TASOR2: variants seen among roughly 807,000 people sequenced by gnomAD.
TASOR2 encodes the protein protein TASOR 2.
A neutral mutation model predicts 199.5 loss-of-function variants in TASOR2; 84 were observed. The ratio of observed to expected loss-of-function variants is 0.42; its 90% confidence interval spans 0.35 to 0.50. The LOEUF is 0.50. TASOR2 is among the 20% of genes least tolerant of loss of function. TASOR2 has a pLI of 0.02. For missense variants in TASOR2, 2,796 were observed against 2,835.9 expected (o/e 0.99, Z 0.32); for synonymous variants, 1,103 against 1,046.6 (o/e 1.05, Z -1.04).
intron 12 of TASOR2, among the ~76,000 whole-genome samples, chr10:5,739,125 C>T (rs1836018453): frequency 6.6e-6 from 1 of 152,192 alleles, no homozygotes; most frequent in South Asian, 2.1e-4. Flanking sequence ...TAATAAATCG[C>T]TTGTTCAGGG....
exon 15 of TASOR2, chr10:5,749,058 C>T (rs1304889713): frequency 1.2e-6 from 2 of 1,614,052 alleles, no homozygotes; most frequent in African/African-American, 2.7e-5. Context: ...ACCAAGAGGA[C>T]TGGGGCTGCT....
chr10:5,735,283 A>T, intron 11 of TASOR2, 21 bp from the exon 13 acceptor site: 1 of 1,602,802 alleles, frequency 6.2e-7, no homozygotes, highest in Non-Finnish European at 8.5e-7. Context: ...CCTTACAAAA[A>T]TGATGTCTTT....
intron 1 of TASOR2, among the ~76,000 whole-genome samples, chr10:5,692,364 C>G (rs921828652): frequency 5.3e-5 from 8 of 152,050 alleles, no homozygotes; most frequent in African/African-American, 1.9e-4. Context: ...TGATAGATAT[C>G]CTTACTAGGG....
rs1334679887 is a variant in TASOR2, at chr10:5,721,072, C to T, written c.146+102C>T. ...AGGGTGGCATTGGTGTAAAATACAG[C>T]AACTGTTCTTGATTTTAGATGAGGG... On this transcript the variant is annotated intron_variant, in intron 6 of 20. Transcript: ENST00000328090. 9 of 832,152 alleles carry T rather than the reference C, an allele frequency of 1.1e-5. No homozygotes were observed. The South Asian group carries it at 1.3e-4, about 12-fold the overall frequency. The allele number at this position is 832,152 out of a possible 1,614,324, so 51.5% of individuals were successfully genotyped here.
At chr10:5,753,286 T>C (rs1249475839) in intron 15 of TASOR2, among the ~76,000 whole-genome samples, 1 of 152,232 alleles carries the variant, frequency 6.6e-6, no homozygotes, top group African/African-American at 2.4e-5. Context: ...TTCTTCAAAC[T>C]TGTGGAAGCT....
intron 10 of TASOR2, among the ~76,000 whole-genome samples, chr10:5,727,455 G>A (rs1243503146): frequency 6.6e-6 from 1 of 152,136 alleles, no homozygotes; most frequent in Non-Finnish European, 1.5e-5. Flanking sequence ...CATAGGTGCT[G>A]TTCTCCTTAT....
chr10:5,702,796 A>C (rs1838057594), intron 1 of TASOR2, among the ~76,000 whole-genome samples: 1 of 152,160 alleles, frequency 6.6e-6, no homozygotes, highest in Admixed American at 6.5e-5. Flanking sequence ...TAAAGAAAGG[A>C]CTTAAATCTA....
chr10:5,690,153 T>C lies in TASOR2; in HGVS notation c.-288+4978T>C, dbSNP rs1208534503. On this transcript the variant is annotated intron_variant, in intron 1 of 20. Transcript: ENST00000328090. The surrounding 1 kb of genome is among the most constrained non-coding windows in gnomAD (Gnocchi z 4.8). The stretch of plus-strand genomic sequence containing the variant: ...TTACTTATTTATATTTGCTAAAAGA[T>C]TACCTACTTTATTATTACTCTACAA... 6.6e-6 allele frequency among the ~76,000 whole-genome samples: 1 copy of C among 152,236 alleles called. No homozygotes were observed. The highest frequency in any genetic ancestry group is 1.5e-5 in the Non-Finnish European group (1 of 68,038).
At chr10:5,755,297 A>G (rs2942350) in intron 15 of TASOR2, among the ~76,000 whole-genome samples, 151,567 of 152,306 alleles carry the variant, frequency 1, 75,421 homozygotes, top group East Asian at 1. Context: ...CAAGGGAGCC[A>G]CACAGTGGCT....
At position 5,738,166 on chromosome 10, in the gene TASOR2, T is replaced by C. The variant is rs1470986314; in HGVS notation, c.1448-1452T>C. On this transcript the variant is annotated intron_variant, in intron 12 of 20. Transcript: ENST00000328090. This position sits in a 1 kb window ranked among gnomAD's most constrained non-coding sequence, Gnocchi z 4.7. ...GTTAATGAAACATGATTTTCTGTCCTTTTTATTCACTGAACTTTTTTTTAA... is the reference window on the plus strand; with the variant it reads ...GTTAATGAAACATGATTTTCTGTCCCTTTTATTCACTGAACTTTTTTTTAA... Among the ~76,000 whole-genome samples the C allele has an allele frequency of 6.6e-6, 1 of 152,234 alleles. No homozygotes were observed. The highest frequency in any genetic ancestry group is 6.5e-5 in the Admixed American group (1 of 15,284).
At position 5,690,392 on chromosome 10, in the gene TASOR2, G is replaced by T. The variant is rs1836291163; in HGVS notation, c.-288+5217G>T. ...GGCATGGTGAAATAGACCCTGTTTA[G>T]AACCTTTCATGTACACCTGCTCCCT... On this transcript the variant is annotated intron_variant, in intron 1 of 20. Transcript: ENST00000328090. This position sits in a 1 kb window ranked among gnomAD's most constrained non-coding sequence, Gnocchi z 4.8. Among the ~76,000 whole-genome samples the T allele has an allele frequency of 2.6e-5, 4 of 152,158 alleles. No homozygotes were observed. The highest frequency in any genetic ancestry group is 1.3e-4 in the Admixed American group (2 of 15,272).
intron 1 of TASOR2, among the ~76,000 whole-genome samples, chr10:5,709,375 AT>A (rs1398675331): frequency 2.6e-5 from 4 of 152,224 alleles, no homozygotes; most frequent in African/African-American, 9.6e-5. Context: ...TATAGAACAA[AT>A]TAAGTCCTTA....
rs754265167 is a variant in TASOR2, at chr10:5,742,506, A to C, written c.2737A>C (p.Ile913Leu). 6.2e-7 allele frequency: 1 copy of C among 1,613,400 alleles called. No homozygotes were observed. Among genetic ancestry groups the C allele is most frequent in the South Asian group, 1.1e-5 (1 of 91,010 alleles). ...AGACACCCAAGAAGACCAGAATTTC[A>C]TCTGTTCTTACAATAATGAGGTATG... Residue 913 changes from isoleucine (I) to leucine (L), a missense_variant, in exon 14 of 21, where the codon ATC becomes CTC. Ile to Leu is a conservative substitution (Grantham distance 5, BLOSUM62 2). This residue lies in a region of TASOR2 where 1,941 missense variants were observed against 1,924.9 expected (regional missense o/e 1.01). Transcript: ENST00000328090. The surrounding 1 kb of genome is among the most constrained non-coding windows in gnomAD (Gnocchi z 4.2).
chr10:5,739,948 G>C (rs1442011058), exon 13 of TASOR2: 1 of 1,614,046 alleles, frequency 6.2e-7, no homozygotes, highest in Non-Finnish European at 8.5e-7. Flanking sequence ...ACTCAAAAAG[G>C]TGAATTACTA....
In TASOR2 at chr10:5,723,668, GT is replaced by G; in HGVS notation, c.147-4del. ...TTATTCTGCTTGATACTGTTGTGTT[GT>G]TTTTCAGACCGCAGGAACTAGATTT... On this transcript the variant is annotated splice_region_variant and splice_polypyrimidine_tract_variant and intron_variant, in intron 6 of 20. Transcript: ENST00000328090. The G allele has an allele frequency of 1.3e-6, 2 of 1,545,840 alleles. No individual in the cohort carries two copies. The highest frequency in any genetic ancestry group is 1.8e-6 in the Non-Finnish European group (2 of 1,136,952).
intron 12 of TASOR2, among the ~76,000 whole-genome samples, chr10:5,736,648 G>C (rs906258088): frequency 6.6e-6 from 1 of 152,188 alleles, no homozygotes; most frequent in Non-Finnish European, 1.5e-5. Flanking sequence ...TTAGTCACAT[G>C]AACTGCTCCA....
At chr10:5,757,576 C>G (rs773166517) in exon 17 of TASOR2, 27 of 1,612,812 alleles carry the variant, frequency 1.7e-5, no homozygotes, top group Middle Eastern at 1.6e-4. Context: ...CTGGAGTAGA[C>G]AGCCCTGGAG....
At chr10:5,718,450 A>G (rs1434206365) in intron 3 of TASOR2, among the ~76,000 whole-genome samples, 3 of 151,652 alleles carry the variant, frequency 2.0e-5, no homozygotes, top group Non-Finnish European at 4.4e-5. Flanking sequence ...TTTGTTCTCA[A>G]AAAAGCGGAG....
chr10:5,762,875 G>A (rs1047822141), intron 20 of TASOR2, 154 bp from the exon 22 acceptor site: 11 of 680,072 alleles, frequency 1.6e-5, no homozygotes, highest in Non-Finnish European at 2.2e-5. Flanking sequence ...TATCTAATGT[G>A]CATTTTCACT....
Sources: gnomAD v4.1 joint callset for allele counts (sites outside exome capture counted in the v4.1 genomes callset) on GRCh38, gnomAD v4.1.1 for gene constraint, gnomAD v4.1.1 regional missense constraint, Gnocchi (gnomAD v3.1) non-coding constraint, MANE v1.5 for transcripts, NCBI Gene and HGNC (gene_info 2026-07-23, HGNC 2026-07-21) for gene names.